SLC4A4: variants seen among roughly 807,000 people sequenced by gnomAD.
The protein encoded by SLC4A4 is solute carrier family 4 member 4.
SLC4A4 carries 27 observed loss-of-function variants against 111.5 expected under a neutral mutation model. The ratio of observed to expected loss-of-function variants is 0.24; its 90% CI spans 0.18 to 0.33. The LOEUF (loss-of-function observed/expected upper bound fraction) is 0.33. Among genes scored for constraint, SLC4A4 ranks in the 10% least tolerant of loss-of-function variants. The pLI is 1.00. For synonymous variants in SLC4A4, 443 were observed against 463.4 expected (o/e 0.96, Z 0.57); for missense variants, 909 against 1,315.5 (o/e 0.69, Z 4.78).
intron 3 of SLC4A4, among the ~76,000 whole-genome samples, chr4:71,309,068 G>A (rs1219448236): frequency 6.6e-6 from 1 of 152,150 alleles, no homozygotes; most frequent in African/African-American, 2.4e-5. Context: ...CATTACTGAG[G>A]CTTGAGTAGG....
At chr4:71,267,095 T>C (rs753282177) in intron 3 of SLC4A4, among the ~76,000 whole-genome samples, 3 of 152,166 alleles carry the variant, frequency 2.0e-5, no homozygotes, top group Non-Finnish European at 2.9e-5. Context: ...CTGTGCTAGA[T>C]GTTGGGGTGA....
intron 3 of SLC4A4, among the ~76,000 whole-genome samples, chr4:71,314,695 C>G (rs1726525894): frequency 6.6e-6 from 1 of 152,096 alleles, no homozygotes; most frequent in Non-Finnish European, 1.5e-5. Flanking sequence ...CATATTTTCA[C>G]TCGTAAGTGG....
intron 20 of SLC4A4, among the ~76,000 whole-genome samples, chr4:71,551,246 T>C (rs544550826): frequency 3.6e-4 from 54 of 152,068 alleles, no homozygotes; most frequent in Middle Eastern, 3.4e-3. Context: ...TTAATTCAAG[T>C]TAATTAGGAG....
At chr4:71,555,572 T>C (rs1168489668) in intron 21 of SLC4A4, among the ~76,000 whole-genome samples, 1 of 151,954 alleles carries the variant, frequency 6.6e-6, no homozygotes, top group East Asian at 1.9e-4. Flanking sequence ...GTTTATCCAT[T>C]TGCCTTAACT....
chr4:71,384,418 A>G (rs2148955820), intron 6 of SLC4A4, among the ~76,000 whole-genome samples: 1 of 152,280 alleles, frequency 6.6e-6, no homozygotes, highest in African/African-American at 2.4e-5. Flanking sequence ...TCCTATAGTC[A>G]TTGATTGCTA....
intron 16 of SLC4A4, among the ~76,000 whole-genome samples, chr4:71,529,047 G>T (rs574934417): frequency 6.6e-6 from 1 of 151,926 alleles, no homozygotes; most frequent in Non-Finnish European, 1.5e-5. Flanking sequence ...AGGCATGTGC[G>T]ATAGTTAATG....
intron 6 of SLC4A4, among the ~76,000 whole-genome samples, chr4:71,375,611 C>T (rs1732276409): frequency 6.6e-6 from 1 of 152,184 alleles, no homozygotes; most frequent in South Asian, 2.1e-4. Flanking sequence ...TTCTACTTTG[C>T]ACTATAATGT....
intron 11 of SLC4A4, 128 bp downstream of exon 11, chr4:71,451,429 T>G: frequency 1.4e-6 from 1 of 725,084 alleles, no homozygotes; most frequent in Non-Finnish European, 2.6e-6. Flanking sequence ...GGTATACCTA[T>G]TTGTCACAGG....
chr4:71,131,011 T>A (rs867533154), intron 2 of SLC4A4, among the ~76,000 whole-genome samples: 1 of 152,166 alleles, frequency 6.6e-6, no homozygotes, highest in Non-Finnish European at 1.5e-5. Flanking sequence ...CCATGATGAA[T>A]ATCAAGTGAG....
chr4:71,208,904 A>G (rs1717956065), intron 1 of SLC4A4, among the ~76,000 whole-genome samples: 1 of 152,090 alleles, frequency 6.6e-6, no homozygotes, highest in African/African-American at 2.4e-5. Context: ...CATGAGATGA[A>G]TATTTCTCAG....
intron 3 of SLC4A4, among the ~76,000 whole-genome samples, chr4:71,334,211 G>T (rs1578859366): frequency 1.3e-5 from 2 of 152,038 alleles, no homozygotes; most frequent in Non-Finnish European, 2.9e-5. Flanking sequence ...AAAGCCCAAG[G>T]TCTCTTAGTC....
In SLC4A4 at chr4:71,354,261, G is replaced by A. The variant is rs115334593; in HGVS notation, c.551-2747G>A. On this transcript the variant is annotated intron_variant, in intron 5 of 25. Transcript: ENST00000264485. ...TTGGGAAAATGTAGCTCTATTTTTGGAGTCTCATTTTTATATTTAAAGGCA... is the reference window on the plus strand; with the variant it reads ...TTGGGAAAATGTAGCTCTATTTTTGAAGTCTCATTTTTATATTTAAAGGCA... 9.1e-3 allele frequency among the ~76,000 whole-genome samples: 1,382 copies of A among 152,262 alleles called. 25 individuals are homozygous for A. Among genetic ancestry groups the A allele is most frequent in the African/African-American group, 0.032 (1,330 of 41,538 alleles).
At chr4:71,363,200 A>G (rs1730955756) in intron 6 of SLC4A4, among the ~76,000 whole-genome samples, 1 of 152,240 alleles carries the variant, frequency 6.6e-6, no homozygotes, top group Non-Finnish European at 1.5e-5. Flanking sequence ...GCAATGCAGA[A>G]CAAACAATGG....
rs1257084957 is a variant in SLC4A4 at position 71,571,952 on chromosome 4, A to G, written c.*4201A>G. ...ATATAAATCCTAAAATTCCTATAAC[A>G]TAGTATTTTACAGTTTTATGAAGCT... On this transcript the variant is annotated 3_prime_UTR_variant, in exon 26 of 26. Coordinates refer to ENST00000264485, the MANE Select transcript of SLC4A4 (RefSeq NM_001098484.3). 1.3e-5 allele frequency: 2 copies of G among 152,284 alleles called. No homozygotes were observed. The highest frequency in any genetic ancestry group is 2.4e-5 in the African/African-American group (1 of 41,410). 9.4% of individuals were successfully genotyped at this position (152,284 alleles called of 1,614,324 possible). A position where few individuals can be genotyped will look rare whatever the true frequency, so the allele number is the denominator to read the frequency against.
rs1737751900 is a variant in SLC4A4 at position 71,569,233 on chromosome 4, TC to T, written c.*1485del. 1 of 151,650 alleles carries T rather than the reference TC, an allele frequency of 6.6e-6. No individual in the cohort carries two copies. The highest frequency in any genetic ancestry group is 6.6e-5 in the Admixed American group (1 of 15,160). 9.4% of individuals were successfully genotyped at this position (151,650 alleles called of 1,614,324 possible). A position where few individuals can be genotyped will look rare whatever the true frequency, so the allele number is the denominator to read the frequency against. ...AAAATGAGGGTAAATATAGTTTATT[TC>T]CCAGGTATCAGTCATTATAATTGAT... is the stretch of plus-strand genomic sequence containing the variant. On this transcript the variant is annotated 3_prime_UTR_variant, in exon 26 of 26. Coordinates refer to ENST00000264485, the MANE Select transcript of SLC4A4 (RefSeq NM_001098484.3).
intron 3 of SLC4A4, among the ~76,000 whole-genome samples, chr4:71,325,051 A>G (rs538821847): frequency 2.0e-5 from 3 of 152,102 alleles, no homozygotes; most frequent in East Asian, 3.9e-4. Context: ...ATCTATTTTA[A>G]TGAATACTAC....
At chr4:71,159,367 AT>A (rs1208959757) in intron 2 of SLC4A4, among the ~76,000 whole-genome samples, 4 of 151,630 alleles carry the variant, frequency 2.6e-5, no homozygotes, top group Admixed American at 2.6e-4. Flanking sequence ...TAAATATTTT[AT>A]TTTTTTTAAA....
intron 7 of SLC4A4, among the ~76,000 whole-genome samples, chr4:71,418,642 T>A (rs935983973): frequency 6.6e-6 from 1 of 152,184 alleles, no homozygotes; most frequent in Non-Finnish European, 1.5e-5. Context: ...TGAAGGGCAA[T>A]CAGCATTTCC....
chr4:71,202,578 C>T (rs964910606), intron 1 of SLC4A4, among the ~76,000 whole-genome samples: 3 of 152,034 alleles, frequency 2.0e-5, no homozygotes, highest in Admixed American at 6.6e-5. Flanking sequence ...ATTTGTATAC[C>T]CTAATAAAGC....
Sources: allele counts gnomAD v4.1 joint callset (sites outside exome capture counted in the v4.1 genomes callset), GRCh38; gene constraint gnomAD v4.1.1; transcripts MANE v1.5; gene names NCBI Gene and HGNC (gene_info 2026-07-23, HGNC 2026-07-21).